Variants in INTS8 observed in about 807,000 individuals in gnomAD.
INTS8 encodes the protein protein kaonashi-1.
In INTS8, 47 loss-of-function variants were observed where a neutral mutation model predicts 138.9. The observed-to-expected ratio is 0.34, with a 90% CI of 0.27 to 0.43. The LOEUF (loss-of-function observed/expected upper bound fraction) is 0.43, where lower values mean the gene tolerates loss of function less well. Ranked by LOEUF, INTS8 falls within the 20% of genes least tolerant of loss-of-function variation. The pLI is 1.00. For missense variants in INTS8, 996 were observed against 1,173.0 expected (o/e 0.85, Z 2.20); for synonymous variants, 392 against 400.9 (o/e 0.98, Z 0.27).
At chr8:94,844,016 T>G (rs1815235978) in intron 10 of INTS8, among the ~76,000 whole-genome samples, 1 of 149,010 alleles carries the variant, frequency 6.7e-6, no homozygotes, top group African/African-American at 2.5e-5. Flanking sequence ...TTTTTTGAGA[T>G]AGAGTTCTGC....
At chr8:94,842,073 GAA>G (rs796273255) in intron 9 of INTS8, among the ~76,000 whole-genome samples, 11 of 116,026 alleles carry the variant, frequency 9.5e-5, no homozygotes, top group African/African-American at 3.5e-4. Flanking sequence ...CGTCTCAAAA[GAA>G]AAAAAAAAAA....
intron 18 of INTS8, chr8:94,866,783 T>G (rs1033932975): frequency 1.5e-5 from 3 of 203,350 alleles, no homozygotes; most frequent in Non-Finnish European, 2.9e-5. Context: ...TAATTTTTGC[T>G]TAGTAGGATC....
intron 2 of INTS8, among the ~76,000 whole-genome samples, chr8:94,825,276 C>T (rs1025611950): frequency 6.6e-6 from 1 of 151,928 alleles, no homozygotes; most frequent in Non-Finnish European, 1.5e-5. Flanking sequence ...ATGGTGAAAC[C>T]TCGTCTCTAG....
chr8:94,863,179 C>T (rs1246430723), intron 16 of INTS8, among the ~76,000 whole-genome samples: 6 of 152,194 alleles, frequency 3.9e-5, no homozygotes, highest in African/African-American at 1.4e-4. Context: ...TTGGCAGCCA[C>T]AGTGGTGCTA....
chr8:94,829,894 C>T (rs1200060654), intron 5 of INTS8, among the ~76,000 whole-genome samples: 1 of 152,078 alleles, frequency 6.6e-6, no homozygotes, highest in African/African-American at 2.4e-5. Context: ...TAATAAATTA[C>T]AGCAGTTTAT....
rs965119010 is a variant in INTS8, at chr8:94,876,022, T to C, written c.2689-52T>C. 3.3e-6 allele frequency: 4 copies of C among 1,221,488 alleles called. No homozygotes were observed. The African/African-American group carries it at 4.4e-5, about 14-fold the overall frequency. The allele number at this position is 1,221,488 out of a possible 1,614,324, so 75.7% of individuals were successfully genotyped here. A position where few individuals can be genotyped will look rare whatever the true frequency, so the allele number is the denominator to read the frequency against. On this transcript the variant is annotated intron_variant, in intron 23 of 26. Transcript: ENST00000523731. The stretch of plus-strand genomic sequence containing the variant: ...ATAAGAGTAATTCAAGATTACCTTG[T>C]AAAACCAAGCTTTCATTACATGAAA...
At chr8:94,870,498 C>T (rs1816358229) in intron 20 of INTS8, among the ~76,000 whole-genome samples, 1 of 152,164 alleles carries the variant, frequency 6.6e-6, no homozygotes, top group East Asian at 1.9e-4. Flanking sequence ...AGTATTTCTC[C>T]TGAGTGGGAC....
chr8:94,852,731 G>A (rs984648170), intron 13 of INTS8, among the ~76,000 whole-genome samples: 2 of 151,972 alleles, frequency 1.3e-5, no homozygotes, highest in Non-Finnish European at 2.9e-5. Context: ...TGGGATTACA[G>A]GCATGCCCCC....
chr8:94,824,784 T>TCCCCCCC (rs34078782), intron 1 of INTS8, 109 bp from the exon 2 acceptor site: 1 of 61,646 alleles, frequency 1.6e-5, no homozygotes, highest in Non-Finnish European at 2.9e-5. Context: ...AAACCCAAAC[T>TCCCCCCC]CCCCCCCCCC....
chr8:94,843,633 A>G (rs1391566012), intron 10 of INTS8, among the ~76,000 whole-genome samples: 1 of 151,894 alleles, frequency 6.6e-6, no homozygotes, highest in Non-Finnish European at 1.5e-5. Flanking sequence ...GATGGGGGAC[A>G]TTTGTGTGTT....
chr8:94,867,185 C>A lies in INTS8; in HGVS notation c.2341C>A (p.His781Asn). The A allele has an allele frequency of 6.2e-7, 1 of 1,610,214 alleles. No individual in the cohort carries two copies. The highest frequency in any genetic ancestry group is 8.5e-7 in the Non-Finnish European group (1 of 1,178,002). The change falls in exon 19 of 27, where the codon CAC (histidine) becomes AAC (asparagine). Residue 781 changes from histidine to asparagine, a missense_variant. His to Asn is a moderately conservative substitution (Grantham distance 68). Coordinates refer to ENST00000523731, the MANE Select transcript of INTS8 (RefSeq NM_017864.4). ...TIILSLFVKL[H>N]NVREDIVNDI... The stretch of plus-strand genomic sequence containing the variant: ...TATTTTATCACTCTTTGTGAAACTT[C>A]ACAATGTTCGGGTAAGTATTTCATA...
At chr8:94,841,414 T>C in intron 8 of INTS8, 77 bp from the exon 9 acceptor site, 1 of 607,120 alleles carries the variant, frequency 1.6e-6, no homozygotes. Flanking sequence ...TATTTTCCAT[T>C]ATAGAAAGAC....
rs1241080719 is a variant in INTS8, at chr8:94,865,490, GT to G, written c.2077-11del. Reference sequence around the variant, plus strand: ...TTACAGATTATCTTTTGTGTATTTTGTTTTTCATGTTATAGCTTGGACAGCT... The same window carrying G: ...TTACAGATTATCTTTTGTGTATTTTGTTTTCATGTTATAGCTTGGACAGCT... On this transcript the variant is annotated splice_polypyrimidine_tract_variant and intron_variant, in intron 16 of 26. Coordinates refer to ENST00000523731, the MANE Select transcript of INTS8 (RefSeq NM_017864.4). 3 of 1,603,966 alleles carry G rather than the reference GT, an allele frequency of 1.9e-6. No homozygotes were observed. Among genetic ancestry groups the G allele is most frequent in the Non-Finnish European group, 2.6e-6 (3 of 1,173,106 alleles).
At position 94,871,949 on chromosome 8, in the gene INTS8, G is replaced by A; in HGVS notation, c.2480G>A (p.Ser827Asn). The A allele has an allele frequency of 6.2e-7, 1 of 1,608,636 alleles. No individual in the cohort carries two copies. Among genetic ancestry groups the A allele is most frequent in the Non-Finnish European group, 8.5e-7 (1 of 1,175,772 alleles). ...TVKELVRYTL[S>N]INPNNHSWLI... Reference sequence around the variant, plus strand: ...AAAGAGCTAGTTCGATATACACTCAGTATAAATCCAAATAACCATTCTTGG... The same window carrying A: ...AAAGAGCTAGTTCGATATACACTCAATATAAATCCAAATAACCATTCTTGG... The change falls in exon 21 of 27, where the codon AGT becomes AAT. Residue 827 changes from serine (S) to asparagine (N), a missense_variant. Transcript: ENST00000523731.
chr8:94,842,219 A>G, intron 9 of INTS8, 128 bp from the exon 10 acceptor site: 1 of 510,918 alleles, frequency 2.0e-6, no homozygotes, highest in Non-Finnish European at 3.3e-6. Context: ...ATTTATTGGT[A>G]TGCTTGAATA....
chr8:94,826,728 G>T (rs752900096), intron 2 of INTS8, among the ~76,000 whole-genome samples: 8 of 152,090 alleles, frequency 5.3e-5, no homozygotes, highest in Non-Finnish European at 8.8e-5. Flanking sequence ...GGTGATAATT[G>T]CTAGATGATG....
Position 94,827,260 on chromosome 8 carries a change from A to G in INTS8, c.306-3A>G. 1.2e-6 allele frequency: 2 copies of G among 1,612,716 alleles called. No homozygotes were observed. The highest frequency in any genetic ancestry group is 2.2e-5 in the South Asian group (2 of 90,804). On this transcript the variant is annotated splice_region_variant and splice_polypyrimidine_tract_variant and intron_variant, in intron 2 of 26. Transcript: ENST00000523731. Reference sequence around the variant, plus strand: ...GCAAACATGTACGTTTTGCTTCTTCAAGTTTGTCTGTTCCAGTATTGAATA... The same window carrying G: ...GCAAACATGTACGTTTTGCTTCTTCGAGTTTGTCTGTTCCAGTATTGAATA...
At chr8:94,854,844 A>C (rs993223989) in intron 14 of INTS8, among the ~76,000 whole-genome samples, 1 of 151,230 alleles carries the variant, frequency 6.6e-6, no homozygotes, top group Non-Finnish European at 1.5e-5. Flanking sequence ...CAATTCTCCT[A>C]CCTCAGCCCC....
chr8:94,844,592 C>G (rs909302125), intron 10 of INTS8, among the ~76,000 whole-genome samples: 4 of 152,160 alleles, frequency 2.6e-5, no homozygotes, highest in African/African-American at 9.7e-5. Flanking sequence ...CCTGGGATTA[C>G]AGGCATGAGC....
Sources: allele counts gnomAD v4.1 joint callset (sites outside exome capture counted in the v4.1 genomes callset), GRCh38; gene constraint gnomAD v4.1.1; transcripts MANE v1.5; gene names NCBI Gene and HGNC (gene_info 2026-07-23, HGNC 2026-07-21).